Variants in AGBL1 observed in about 807,000 individuals in gnomAD.
AGBL1 encodes cytosolic carboxypeptidase 4.
AGBL1 carries 130 observed loss-of-function variants against 118.9 expected under a neutral mutation model. The observed-to-expected ratio is 1.09, with a 90% CI of 0.95 to 1.26. AGBL1 has a LOEUF of 1.26. Among genes scored for constraint, AGBL1 ranks in the 50% most tolerant of loss-of-function variants. The probability of loss-of-function intolerance (pLI) is 0.00; values close to 1 mark genes in which losing one functional copy is unlikely to be tolerated. For synonymous variants in AGBL1, 555 were observed against 478.9 expected, an observed-to-expected ratio of 1.16 and a Z score of -2.08; for missense variants, 1,584 against 1,298.1, an observed-to-expected ratio of 1.22 and a Z score of -3.38.
chr15:86,083,516 A>G (rs148858641), intron 1 of AGBL1: 4 of 152,292 alleles, frequency 2.6e-5, no homozygotes, highest in East Asian at 1.9e-4. Flanking sequence ...CAAAATGTGC[A>G]TAGTTAACTT....
intron 22 of AGBL1, among the ~76,000 whole-genome samples, chr15:86,723,446 A>T (rs1047050260): frequency 8.5e-5 from 13 of 152,158 alleles, no homozygotes; most frequent in African/African-American, 2.9e-4. Context: ...CTAGGTGGGA[A>T]TTGAACAATG....
chr15:86,842,415 G>T (rs1328446611), intron 22 of AGBL1, among the ~76,000 whole-genome samples: 1 of 152,160 alleles, frequency 6.6e-6, no homozygotes, highest in Non-Finnish European at 1.5e-5. Flanking sequence ...ATCTCTGCCT[G>T]AGCTCTGTGG....
intron 21 of AGBL1, among the ~76,000 whole-genome samples, chr15:86,586,465 G>A (rs549921238): frequency 1.2e-4 from 19 of 152,164 alleles, no homozygotes; most frequent in Admixed American, 2.6e-4. Context: ...AGAAAATTAG[G>A]GCAGAGAATA....
intron 22 of AGBL1, among the ~76,000 whole-genome samples, chr15:86,731,530 C>T (rs1351729211): frequency 6.6e-6 from 1 of 152,134 alleles, no homozygotes; most frequent in Non-Finnish European, 1.5e-5. Context: ...GCAAAGTCTC[C>T]AGCTTTGTTC....
chr15:86,488,235 G>A (rs1419638512), intron 18 of AGBL1, among the ~76,000 whole-genome samples: 4 of 152,010 alleles, frequency 2.6e-5, no homozygotes, highest in Non-Finnish European at 5.9e-5. Flanking sequence ...CCAGGATTCT[G>A]CAGCTGGGAA....
chr15:86,149,136 A>T (rs1270677723), intron 3 of AGBL1, among the ~76,000 whole-genome samples: 2 of 152,220 alleles, frequency 1.3e-5, no homozygotes, highest in Admixed American at 1.3e-4. Context: ...AGCACTAAAC[A>T]TGGAAAGAAA....
At chr15:86,249,582 T>C (rs1173402237) in intron 7 of AGBL1, among the ~76,000 whole-genome samples, 1 of 152,208 alleles carries the variant, frequency 6.6e-6, no homozygotes, top group East Asian at 1.9e-4. Flanking sequence ...AGCTTCCTCA[T>C]GCTTTCTAAG....
chr15:86,212,610 A>G (rs2078117581), intron 5 of AGBL1, among the ~76,000 whole-genome samples: 1 of 152,214 alleles, frequency 6.6e-6, no homozygotes, highest in Non-Finnish European at 1.5e-5. Context: ...CTTCATTGGT[A>G]CTAAATCCCA....
At chr15:86,500,592 A>G (rs1483686310) in intron 18 of AGBL1, among the ~76,000 whole-genome samples, 2 of 106,740 alleles carry the variant, frequency 1.9e-5, no homozygotes, top group Non-Finnish European at 3.8e-5. Context: ...TGGTACAACC[A>G]CTAGCTCATT....
Position 86,447,320 on chromosome 15 carries a change from A to C in AGBL1, c.2555+49774A>C, listed in dbSNP as rs1200248983. 6.6e-5 allele frequency among the ~76,000 whole-genome samples: 10 copies of C among 152,208 alleles called. 1 individual carries two copies. The highest frequency in any genetic ancestry group is 5.9e-4 in the Admixed American group (9 of 15,278). On this transcript the variant is annotated intron_variant, in intron 18 of 22. Coordinates refer to ENST00000614907, the MANE Select transcript of AGBL1 (RefSeq NM_001386094.1). ...CTTTTCCTCTGAAGACAGTGGATAA[A>C]GATGTGTGAGCCGCGGAATTGTAGT...
chr15:86,565,445 G>A (rs1040529216), intron 21 of AGBL1, among the ~76,000 whole-genome samples: 34 of 152,246 alleles, frequency 2.2e-4, no homozygotes, highest in African/African-American at 7.7e-4. Context: ...GCAGAGCAGC[G>A]AATATTGCTG....
At position 86,670,652 on chromosome 15, in the gene AGBL1, A is replaced by ATG. The variant is rs2085731101; in HGVS notation, c.2995-3620_2995-3619insGT. Among the ~76,000 whole-genome samples the ATG allele has an allele frequency of 7.5e-5, 4 of 53,618 alleles. No homozygotes were observed. The East Asian group carries it at 2.0e-3, about 27-fold the overall frequency. 35.2% of individuals were successfully genotyped at this position (53,618 alleles called of 152,430 possible). A position where few individuals can be genotyped will look rare whatever the true frequency, so the allele number is the denominator to read the frequency against. On this transcript the variant is annotated intron_variant, in intron 21 of 22. Transcript: ENST00000614907. The stretch of plus-strand genomic sequence containing the variant: ...AAACACGCTGTGTGTGTGTGTGTGT[A>ATG]TATATATATATAGCAAACTTATATA...
At chr15:86,722,594 T>C (rs2086743213) in intron 22 of AGBL1, among the ~76,000 whole-genome samples, 1 of 152,188 alleles carries the variant, frequency 6.6e-6, no homozygotes, top group South Asian at 2.1e-4. Flanking sequence ...GACATAGGCA[T>C]GGGCAAGGAC....
chr15:86,349,433 T>G lies in AGBL1; in HGVS notation c.2375-47933T>G, dbSNP rs561677150. On this transcript the variant is annotated intron_variant, in intron 17 of 22. Transcript: ENST00000614907. ...GGTCTCCTCAATATTTTATTATGTA[T>G]GCTTTGAGGTGTTTCTATGTTTGCA... is the stretch of plus-strand genomic sequence containing the variant. Among the ~76,000 whole-genome samples the G allele has an allele frequency of 6.6e-4, 101 of 152,332 alleles. 2 individuals carry two copies. In the South Asian group the frequency reaches 0.019, roughly 29 times the overall value.
intron 18 of AGBL1, among the ~76,000 whole-genome samples, chr15:86,435,299 T>C (rs1221579038): frequency 1.3e-5 from 2 of 152,200 alleles, no homozygotes; most frequent in African/African-American, 2.4e-5. Flanking sequence ...CTGAAGGCAG[T>C]TGGGGGTGAC....
intron 5 of AGBL1, 80 bp from the exon 6 acceptor site, chr15:86,224,834 G>A: frequency 1.4e-6 from 2 of 1,393,884 alleles, no homozygotes; most frequent in East Asian, 2.3e-5. Flanking sequence ...GGGTGGCAAT[G>A]GGCATGCTGG....
At chr15:86,372,269 G>A (rs552909408) in intron 17 of AGBL1, among the ~76,000 whole-genome samples, 4 of 152,340 alleles carry the variant, frequency 2.6e-5, no homozygotes, top group African/African-American at 7.2e-5. Flanking sequence ...GGCCTCAAAT[G>A]TAACATAAGT....
intron 17 of AGBL1, among the ~76,000 whole-genome samples, chr15:86,376,276 T>A (rs573651494): frequency 6.6e-6 from 1 of 152,292 alleles, no homozygotes; most frequent in East Asian, 1.9e-4. Flanking sequence ...GTCTGAACAG[T>A]TTCTGCAAAA....
At chr15:86,398,467 A>T (rs1358335626) in intron 18 of AGBL1, among the ~76,000 whole-genome samples, 3 of 152,204 alleles carry the variant, frequency 2.0e-5, no homozygotes, top group Non-Finnish European at 2.9e-5. Context: ...AAGGAAAAAA[A>T]ATTCAAAACC....
Sources: gnomAD v4.1 joint callset for allele counts (sites outside exome capture counted in the v4.1 genomes callset) on GRCh38, gnomAD v4.1.1 for gene constraint, MANE v1.5 for transcripts, NCBI Gene and HGNC (gene_info 2026-07-23, HGNC 2026-07-21) for gene names.